The following ZNF330 variants were observed in gnomAD, a reference collection of about 807,000 sequenced individuals.
The protein encoded by ZNF330 is nucleolar atypical zinc finger, also known as zinc finger protein 330.
Under a neutral mutation model 45.5 loss-of-function variants are expected in ZNF330, and 31 were observed. The ratio of observed to expected loss-of-function variants is 0.68; its 90% CI spans 0.51 to 0.92. The LOEUF is 0.92. ZNF330 is among the 40% of genes least tolerant of loss of function. ZNF330 has a pLI of 0.00. For missense variants in ZNF330, 356 were observed against 387.4 expected (o/e 0.92, Z 0.68); for synonymous variants, 138 against 123.2 (o/e 1.12, Z -0.79).
chr4:141,231,515 TTTTG>T, intron 8 of ZNF330, 30 bp downstream of exon 8: 1 of 1,570,466 alleles, frequency 6.4e-7, no homozygotes, highest in Non-Finnish European at 8.6e-7. Context: ...TCTTTTTAGA[TTTTG>T]TTTTTAATCT....
At chr4:141,227,726 C>T (rs1022397822) in intron 5 of ZNF330, among the ~76,000 whole-genome samples, 2 of 152,104 alleles carry the variant, frequency 1.3e-5, no homozygotes, top group Admixed American at 6.5e-5. Flanking sequence ...CCCTGCTTAA[C>T]CAACGTTTAA....
In ZNF330 at chr4:141,233,665, G is replaced by A. The variant is rs570134371; in HGVS notation, c.689-50G>A. ...AAATTTTATAGAGGAAGATGAGAAT[G>A]TAGAGAACTGGAACTAACAAAATGC... On this transcript the variant is annotated intron_variant, in intron 9 of 9. Transcript: ENST00000262990. 2.0e-6 allele frequency: 3 copies of A among 1,532,732 alleles called. No individual in the cohort carries two copies. In the East Asian group the frequency reaches 6.9e-5, roughly 35 times the overall value. 94.9% of individuals were successfully genotyped at this position (1,532,732 alleles called of 1,614,324 possible). A position where few individuals can be genotyped will look rare whatever the true frequency, so the allele number is the denominator to read the frequency against.
intron 7 of ZNF330, among the ~76,000 whole-genome samples, chr4:141,231,225 C>T (rs988847893): frequency 3.9e-5 from 6 of 152,018 alleles, no homozygotes; most frequent in Admixed American, 3.3e-4. Context: ...CATTTTTGAG[C>T]CTTTCGTCGC....
upstream of ZNF330, among the ~76,000 whole-genome samples, chr4:141,220,639 A>C (rs186711050): frequency 6.6e-6 from 1 of 152,302 alleles, no homozygotes. Context: ...TGTTTGAGTC[A>C]ATTGATCCAG....
intron 5 of ZNF330, among the ~76,000 whole-genome samples, chr4:141,228,567 C>A (rs1420989715): frequency 2.0e-5 from 3 of 152,046 alleles, no homozygotes; most frequent in Non-Finnish European, 4.4e-5. Flanking sequence ...CTGTCCTCTG[C>A]AAATTATCTC....
intron 4 of ZNF330, among the ~76,000 whole-genome samples, chr4:141,225,091 C>T (rs916216877): frequency 1.3e-5 from 2 of 152,022 alleles, no homozygotes; most frequent in Admixed American, 1.3e-4. Context: ...TTTTATTCCA[C>T]ATTTACCTGG....
intron 6 of ZNF330, 37 bp from the exon 7 acceptor site, chr4:141,230,129 T>G: frequency 7.0e-7 from 1 of 1,426,952 alleles, no homozygotes; most frequent in Non-Finnish European, 9.8e-7. Flanking sequence ...AAATTAAAGT[T>G]TATCTTAATT....
chr4:141,232,581 A>ATT lies in ZNF330; in HGVS notation c.627_628insTT (p.Gln210PhefsTer25). On this transcript the variant is annotated frameshift_variant, in exon 9 of 10. Transcript: ENST00000262990. LOFTEE classifies it high-confidence loss of function. ...AAGTGTTTAAGCAAGAAAAAGGAAAACAGCCTCCTTGTCCTAAATGTGGGC... is the reference window on the plus strand; with the variant it reads ...AAGTGTTTAAGCAAGAAAAAGGAAAATTCAGCCTCCTTGTCCTAAATGTGGGC... The ATT allele has an allele frequency of 6.2e-7, 1 of 1,601,234 alleles. No individual in the cohort carries two copies. The highest frequency in any genetic ancestry group is 8.5e-7 in the Non-Finnish European group (1 of 1,173,702).
chr4:141,225,183 T>G (rs1728774292), intron 4 of ZNF330, among the ~76,000 whole-genome samples: 1 of 152,082 alleles, frequency 6.6e-6, no homozygotes, highest in Non-Finnish European at 1.5e-5. Flanking sequence ...TCCCAGGTGA[T>G]TTAAATAGAG....
intron 4 of ZNF330, 116 bp from the exon 5 acceptor site, chr4:141,226,651 T>G (rs1448552703): frequency 1.4e-6 from 1 of 710,478 alleles, no homozygotes; most frequent in African/African-American, 1.8e-5. Context: ...CTGATTCAAT[T>G]TCATTAGTTT....
rs1728656484 is a variant in ZNF330 at position 141,220,931 on chromosome 4, T to C, written c.-184T>C. Reference sequence around the variant, plus strand: ...AGGACGTCCGGTCCGTCTCCTAGTGTCCGGAATCGGCTGTCAGCCTCCCTG... The same window carrying C: ...AGGACGTCCGGTCCGTCTCCTAGTGCCCGGAATCGGCTGTCAGCCTCCCTG... On this transcript the variant is annotated 5_prime_UTR_variant, in exon 1 of 10. Coordinates refer to ENST00000262990, the MANE Select transcript of ZNF330 (RefSeq NM_014487.6). The C allele has an allele frequency of 6.6e-6, 1 of 152,262 alleles. No homozygotes were observed. The highest frequency in any genetic ancestry group is 1.5e-5 in the Non-Finnish European group (1 of 68,066). 9.4% of individuals were successfully genotyped at this position (152,262 alleles called of 1,614,324 possible).
Position 141,229,696 on chromosome 4 carries a change from T to C in ZNF330, c.417T>C (p.His139=). The change falls in exon 6 of 10, where the codon CAT becomes CAC. Residue 139 remains histidine (H), a splice_region_variant and synonymous_variant. Transcript: ENST00000262990. ...CVECERGVWD[H]GGRIFSCSFC... is the part of the protein sequence containing the mutation. ...AATGTGAACGAGGCGTGTGGGACCA[T>C]GGTGAGTCATTAGACACAAGTAATG... 6.2e-7 allele frequency: 1 copy of C among 1,612,982 alleles called. No homozygotes were observed. Among genetic ancestry groups the C allele is most frequent in the Non-Finnish European group, 8.5e-7 (1 of 1,179,172 alleles).
chr4:141,231,346 A>G, intron 7 of ZNF330, 93 bp from the exon 8 acceptor site: 1 of 1,168,076 alleles, frequency 8.6e-7, no homozygotes, highest in South Asian at 1.5e-5. Context: ...ATAAGGCTAT[A>G]TTCCATTGCA....
chr4:141,233,191 T>C (rs1362099333), intron 9 of ZNF330, among the ~76,000 whole-genome samples: 1 of 152,132 alleles, frequency 6.6e-6, no homozygotes, highest in East Asian at 1.9e-4. Context: ...ACCAAACATA[T>C]CAGAATGGAA....
chr4:141,221,545 C>T (rs1040783724), intron 1 of ZNF330, among the ~76,000 whole-genome samples: 3 of 152,122 alleles, frequency 2.0e-5, no homozygotes, highest in African/African-American at 7.2e-5. Context: ...TGGAATGGTG[C>T]CTTAGTGGTC....
rs1729025270 is a variant in ZNF330, at chr4:141,234,054, G to T, written c.*65G>T. 2.6e-6 allele frequency: 4 copies of T among 1,535,560 alleles called. No individual in the cohort carries two copies. The highest frequency in any genetic ancestry group is 3.5e-6 in the Non-Finnish European group (4 of 1,145,904). ...TGAGTGTGTGTGCTTGATGAATTGT[G>T]TGTGGTTGTTCAAAAGTACCTTAGC... On this transcript the variant is annotated 3_prime_UTR_variant, in exon 10 of 10. Coordinates refer to ENST00000262990, the MANE Select transcript of ZNF330 (RefSeq NM_014487.6).
In ZNF330 at chr4:141,233,839, G is replaced by A. The variant is rs758342080; in HGVS notation, c.813G>A (p.Glu271=). ...GTGATACCAGCTACCACGATGAGGAGGAGGATGAGTATGAAGCAGAGGATG... is the reference window on the plus strand; with the variant it reads ...GTGATACCAGCTACCACGATGAGGAAGAGGATGAGTATGAAGCAGAGGATG... ...KYGDTSYHDE[E]EDEYEAEDDE... The change falls in exon 10 of 10, where the codon GAG becomes GAA. Residue 271 remains glutamate, a synonymous_variant. Coordinates refer to ENST00000262990, the MANE Select transcript of ZNF330 (RefSeq NM_014487.6). The A allele has an allele frequency of 1.9e-6, 3 of 1,613,726 alleles. No homozygotes were observed. The highest frequency in any genetic ancestry group is 4.5e-5 in the East Asian group (2 of 44,886).
At chr4:141,223,725 T>A (rs1485689159) in intron 2 of ZNF330, 2 of 455,910 alleles carry the variant, frequency 4.4e-6, no homozygotes, top group Admixed American at 2.4e-5. Context: ...TAATGACAGC[T>A]AGATTTTGGA....
At chr4:141,228,469 A>G (rs1728862296) in intron 5 of ZNF330, among the ~76,000 whole-genome samples, 1 of 151,990 alleles carries the variant, frequency 6.6e-6, no homozygotes, top group South Asian at 2.1e-4. Flanking sequence ...GTACCAGGTT[A>G]TCCTGGTTTG....
Sources: gnomAD v4.1 joint callset for allele counts (sites outside exome capture counted in the v4.1 genomes callset) on GRCh38, gnomAD v4.1.1 for gene constraint, MANE v1.5 for transcripts, NCBI Gene and HGNC (gene_info 2026-07-23, HGNC 2026-07-21) for gene names.